The following CCDC149 variants were observed in gnomAD, a reference collection of about 807,000 sequenced individuals.
CCDC149 encodes the protein coiled-coil domain containing 149, also known as coiled-coil domain-containing protein 149.
A neutral mutation model predicts 59.9 loss-of-function variants in CCDC149; 45 were observed. The ratio of observed to expected loss-of-function variants is 0.75; its 90% CI spans 0.59 to 0.96. The LOEUF is 0.96. Among genes scored for constraint, CCDC149 ranks in the 40% least tolerant of loss-of-function variants. The pLI is 0.00. For missense variants in CCDC149, 584 were observed against 664.7 expected, an observed-to-expected ratio of 0.88 and a Z score of 1.33; for synonymous variants, 245 against 260.6, an observed-to-expected ratio of 0.94 and a Z score of 0.58.
At chr4:24,907,170 C>G (rs747171859) in intron 1 of CCDC149, among the ~76,000 whole-genome samples, 1 of 152,218 alleles carries the variant, frequency 6.6e-6, no homozygotes, top group Non-Finnish European at 1.5e-5. Context: ...CACTGTTCCA[C>G]TGCTGCCTTG....
chr4:24,927,948 A>G (rs557326962), intron 1 of CCDC149, among the ~76,000 whole-genome samples: 1 of 152,228 alleles, frequency 6.6e-6, no homozygotes, highest in South Asian at 2.1e-4. Context: ...TAGAGTCTAG[A>G]AGAAGGATAG....
At chr4:24,977,591 G>A (rs10004495) in intron 1 of CCDC149, among the ~76,000 whole-genome samples, 6,442 of 152,104 alleles carry the variant, frequency 0.042, 461 homozygotes, top group African/African-American at 0.14. Flanking sequence ...AGATGATGTC[G>A]TGGACCCAAA....
intron 1 of CCDC149, among the ~76,000 whole-genome samples, chr4:24,879,699 G>C (rs1719716298): frequency 6.8e-6 from 1 of 147,102 alleles, no homozygotes; most frequent in Non-Finnish European, 1.5e-5. Context: ...AAAAAAAAAA[G>C]AAAGAAAAAG....
intron 1 of CCDC149, among the ~76,000 whole-genome samples, chr4:24,942,176 C>G (rs1036951409): frequency 6.6e-6 from 1 of 152,170 alleles, no homozygotes; most frequent in African/African-American, 2.4e-5. Flanking sequence ...AATCCAGCAA[C>G]ACATCAAAAA....
chr4:24,968,899 A>G (rs1723881885), intron 1 of CCDC149, among the ~76,000 whole-genome samples: 1 of 152,208 alleles, frequency 6.6e-6, no homozygotes, highest in Non-Finnish European at 1.5e-5. Flanking sequence ...CCTCTGGGAA[A>G]TAGGTCATCA....
chr4:24,856,603 T>A (rs1237804033), intron 3 of CCDC149, among the ~76,000 whole-genome samples: 1 of 152,262 alleles, frequency 6.6e-6, no homozygotes, highest in Middle Eastern at 3.4e-3. Flanking sequence ...CCTCACCCCA[T>A]CACATCTCAA....
rs183588852 is a variant in CCDC149 at position 24,974,445 on chromosome 4, A to C, written c.-65+5624T>G. On this transcript the variant is annotated intron_variant, in intron 1 of 12. Coordinates refer to the CCDC149 transcript ENST00000389609. ...AGGACAGAGTAACCACCTTGCAGCC[A>C]AGAAGCCCTGATGTCAACTCCCAGC... Among the ~76,000 whole-genome samples the C allele has an allele frequency of 1.5e-4, 23 of 152,342 alleles. No homozygotes were observed. The East Asian group carries it at 4.2e-3, about 28-fold the overall frequency.
intron 3 of CCDC149, among the ~76,000 whole-genome samples, chr4:24,868,253 A>G (rs901956674): frequency 6.6e-6 from 1 of 152,196 alleles, no homozygotes; most frequent in African/African-American, 2.4e-5. Context: ...AAGTTTCAAG[A>G]CAACCAGCCC....
Position 24,906,364 on chromosome 4 carries a change from A to AATTTTATTTT in CCDC149, c.63+6443_63+6452dup, listed in dbSNP as rs1553859579. On this transcript the variant is annotated intron_variant, in intron 1 of 12. Transcript: ENST00000635206. ...AGAGTAACTCAGGGGCAGCGGAACA[A>AATTTTATTTT]ATTTTATTTTATTTTATTTTATTTT... is the stretch of plus-strand genomic sequence containing the variant. Among the ~76,000 whole-genome samples, 39 of 42,036 alleles carry AATTTTATTTT rather than the reference A, an allele frequency of 9.3e-4. 1 individual carries two copies. Among genetic ancestry groups the AATTTTATTTT allele is most frequent in the East Asian group, 8.3e-3 (12 of 1,454 alleles). The allele number at this position is 42,036 out of a possible 152,430, so 27.6% of individuals were successfully genotyped here. A position where few individuals can be genotyped will look rare whatever the true frequency, so the allele number is the denominator to read the frequency against.
chr4:24,913,251 C>T (rs1722006977), upstream of CCDC149, among the ~76,000 whole-genome samples: 1 of 152,142 alleles, frequency 6.6e-6, no homozygotes, highest in Non-Finnish European at 1.5e-5. Flanking sequence ...GAGGCGGGCC[C>T]CACGGGCAGG....
At chr4:24,967,816 A>G (rs1251121419) in intron 1 of CCDC149, among the ~76,000 whole-genome samples, 1 of 151,950 alleles carries the variant, frequency 6.6e-6, no homozygotes, top group Non-Finnish European at 1.5e-5. Context: ...CTGTCAATGA[A>G]TCCAAGGTCC....
At chr4:24,828,826 TA>T in intron 9 of CCDC149, 1 of 151,938 alleles carries the variant, frequency 6.6e-6, no homozygotes. Flanking sequence ...CAAAAATTAT[TA>T]AAAAATAAAC....
intron 12 of CCDC149, among the ~76,000 whole-genome samples, chr4:24,813,521 T>TAC (rs1714800587): frequency 1.1e-5 from 1 of 89,730 alleles, no homozygotes; most frequent in Non-Finnish European, 2.3e-5. Flanking sequence ...TATATATATA[T>TAC]ATATATAAAA....
intron 1 of CCDC149, among the ~76,000 whole-genome samples, chr4:24,892,532 C>T (rs907899614): frequency 2.0e-5 from 3 of 152,192 alleles, no homozygotes; most frequent in Non-Finnish European, 4.4e-5. Context: ...GAAAGACCTA[C>T]GAAGCCTGAT....
At chr4:24,881,559 G>A (rs1242910449) in intron 1 of CCDC149, among the ~76,000 whole-genome samples, 1 of 152,118 alleles carries the variant, frequency 6.6e-6, no homozygotes, top group Non-Finnish European at 1.5e-5. Context: ...AAAAATTATT[G>A]GTGTGTCAAA....
chr4:24,888,078 T>G (rs971813909), intron 1 of CCDC149, among the ~76,000 whole-genome samples: 1 of 152,112 alleles, frequency 6.6e-6, no homozygotes, highest in Non-Finnish European at 1.5e-5. Flanking sequence ...TGGGTACACT[T>G]AGAGTAGCAC....
At chr4:24,907,160 C>T (rs563350238) in intron 1 of CCDC149, among the ~76,000 whole-genome samples, 3 of 152,306 alleles carry the variant, frequency 2.0e-5, no homozygotes, top group African/African-American at 7.2e-5. Context: ...GGTTCATGCT[C>T]ACTGTTCCAC....
intron 4 of CCDC149, among the ~76,000 whole-genome samples, chr4:24,843,813 T>C (rs996063837): frequency 3.9e-5 from 6 of 152,262 alleles, no homozygotes; most frequent in Admixed American, 3.3e-4. Context: ...GAGATCCGCA[T>C]AGAGCCTCTA....
In CCDC149 at chr4:24,837,489, T is replaced by C. The variant is rs1716621915; in HGVS notation, c.490-89A>G. Reference sequence around the variant, plus strand: ...TGGAGCCTCCCACTTGGTTGACTGATTTTTAGAGAGTTTATTAACACTACC... The same window carrying C: ...TGGAGCCTCCCACTTGGTTGACTGACTTTTAGAGAGTTTATTAACACTACC... On this transcript the variant is annotated intron_variant, in intron 5 of 12. Coordinates refer to ENST00000635206, the MANE Select transcript of CCDC149 (RefSeq NM_001330643.2). This position sits in a 1 kb window ranked among gnomAD's most constrained non-coding sequence, Gnocchi z 4.3. The C allele has an allele frequency of 7.7e-7, 1 of 1,293,494 alleles. No homozygotes were observed. Among genetic ancestry groups the C allele is most frequent in the South Asian group, 1.3e-5 (1 of 74,564 alleles). The allele number at this position is 1,293,494 out of a possible 1,614,324, so 80.1% of individuals were successfully genotyped here. A position where few individuals can be genotyped will look rare whatever the true frequency, so the allele number is the denominator to read the frequency against.
Sources: allele counts gnomAD v4.1 joint callset (sites outside exome capture counted in the v4.1 genomes callset), GRCh38; gene constraint gnomAD v4.1.1; non-coding constraint Gnocchi (gnomAD v3.1); transcripts MANE v1.5; gene names NCBI Gene and HGNC (gene_info 2026-07-23, HGNC 2026-07-21).